Variants in REL observed in about 807,000 individuals in gnomAD.
REL encodes proto-oncogene c-Rel.
REL carries 15 observed loss-of-function variants against 45.9 expected under a neutral mutation model. The ratio of observed to expected loss-of-function variants is 0.33; its 90% CI spans 0.22 to 0.50. The LOEUF is 0.50. REL is among the 20% of genes least tolerant of loss of function. REL has a pLI of 0.98. For missense variants in REL, 601 were observed against 715.2 expected, an observed-to-expected ratio of 0.84 and a Z score of 1.82; for synonymous variants, 239 against 242.1, an observed-to-expected ratio of 0.99 and a Z score of 0.12.
Position 60,923,261 on chromosome 2 carries a change from T to TA in REL, c.*730dup, listed in dbSNP as rs2103992300. ...ATTTGTATGTATATCAAAATGTCTTTAAAATGTTAAGTTGGGCAGAAGGCA... is the reference window on the plus strand; with the variant it reads ...ATTTGTATGTATATCAAAATGTCTTTAAAAATGTTAAGTTGGGCAGAAGGCA... On this transcript the variant is annotated 3_prime_UTR_variant, in exon 10 of 10. Transcript: ENST00000394479. 4.6e-6 allele frequency: 1 copy of TA among 217,266 alleles called. No homozygotes were observed. The highest frequency in any genetic ancestry group is 6.7e-5 in the East Asian group (1 of 14,832). 13.5% of individuals were successfully genotyped at this position (217,266 alleles called of 1,614,324 possible). A position where few individuals can be genotyped will look rare whatever the true frequency, so the allele number is the denominator to read the frequency against.
intron 7 of REL, 62 bp from the exon 8 acceptor site, chr2:60,919,979 A>G: frequency 9.7e-7 from 1 of 1,028,828 alleles, no homozygotes; most frequent in Non-Finnish European, 1.5e-6. Context: ...ATATTTGTTT[A>G]TTAAAGGAGA....
At chr2:60,914,443 A>G (rs1673902963) in intron 4 of REL, among the ~76,000 whole-genome samples, 1 of 152,258 alleles carries the variant, frequency 6.6e-6, no homozygotes. Context: ...TCTTCCCTGT[A>G]GTAGAACTAT....
In REL at chr2:60,918,571, A is replaced by G. The variant is rs1674047586; in HGVS notation, c.818A>G (p.Glu273Gly). ...AGACCTTCTGACCAGGAAGTTAGTG[A>G]ATCTATGGATTTTAGATATCTGCCA... ...LRRPSDQEVS[E>G]SMDFRYLPDE... The change falls in exon 7 of 10, where the codon GAA becomes GGA. Residue 273 changes from glutamate to glycine, a missense_variant. Glu to Gly is a moderately conservative substitution (Grantham distance 98). This residue lies in a region of REL where 241 missense variants were observed against 347.0 expected (regional missense o/e 0.69). Coordinates refer to ENST00000394479, the MANE Select transcript of REL (RefSeq NM_001291746.2). 1 of 1,613,882 alleles carries G rather than the reference A, an allele frequency of 6.2e-7. No individual in the cohort carries two copies. Among genetic ancestry groups the G allele is most frequent in the South Asian group, 1.1e-5 (1 of 91,088 alleles).
At position 60,930,907 on chromosome 2, in the gene REL, T is replaced by G. The variant is rs1302520801; in HGVS notation, c.*8372T>G. On this transcript the variant is annotated 3_prime_UTR_variant, in exon 10 of 10. Transcript: ENST00000394479. ...TGTGTGAATAGTAATACACAGTAAT[T>G]AGTACAGCATGTTGCTTCTTCAACA... 1 of 152,380 alleles carries G rather than the reference T, an allele frequency of 6.6e-6. No individual in the cohort carries two copies. Among genetic ancestry groups the G allele is most frequent in the Non-Finnish European group, 1.5e-5 (1 of 68,042 alleles). The allele number at this position is 152,380 out of a possible 1,614,324, so 9.4% of individuals were successfully genotyped here. A position where few individuals can be genotyped will look rare whatever the true frequency, so the allele number is the denominator to read the frequency against.
At chr2:60,918,653 C>T (rs765603727) in intron 7 of REL, 47 bp downstream of exon 7, 67 of 1,218,370 alleles carry the variant, frequency 5.5e-5, no homozygotes, top group Non-Finnish European at 8.0e-5. Flanking sequence ...TGAAGTGGTC[C>T]TGCTAATAAC....
rs922998354 is a variant in REL, at chr2:60,881,833, G to A, written c.-8G>A. 56 of 1,520,342 alleles carry A rather than the reference G, an allele frequency of 3.7e-5. No homozygotes were observed. Among genetic ancestry groups the A allele is most frequent in the Non-Finnish European group, 4.3e-5 (49 of 1,135,152 alleles). 94.2% of individuals were successfully genotyped at this position (1,520,342 alleles called of 1,614,324 possible). Reference sequence around the variant, plus strand: ...AGCTGCCTGCGGGAAGGTGCGGGGAGCGGAGCCATGGCCTCCGGTGAGTGT... The same window carrying A: ...AGCTGCCTGCGGGAAGGTGCGGGGAACGGAGCCATGGCCTCCGGTGAGTGT... On this transcript the variant is annotated 5_prime_UTR_variant, in exon 1 of 10. Transcript: ENST00000394479.
intron 3 of REL, among the ~76,000 whole-genome samples, chr2:60,896,141 T>C (rs925948079): frequency 2.6e-5 from 4 of 152,056 alleles, no homozygotes; most frequent in Non-Finnish European, 4.4e-5. Flanking sequence ...TTAGCTGATA[T>C]TACAGGCATG....
intron 1 of REL, among the ~76,000 whole-genome samples, chr2:60,888,404 T>C (rs1161687518): frequency 6.6e-6 from 1 of 152,206 alleles, no homozygotes; most frequent in African/African-American, 2.4e-5. Context: ...ACATAAATTA[T>C]TTAAAATGTG....
intron 1 of REL, among the ~76,000 whole-genome samples, chr2:60,887,934 G>T (rs1457255492): frequency 4.4e-4 from 63 of 143,060 alleles, no homozygotes; most frequent in African/African-American, 1.5e-3. Flanking sequence ...TGTTTTGTTT[G>T]TTTTTTTTTT....
chr2:60,919,479 A>T (rs1034979832), intron 7 of REL, among the ~76,000 whole-genome samples: 20 of 151,906 alleles, frequency 1.3e-4, no homozygotes, highest in African/African-American at 4.6e-4. Flanking sequence ...AGGCTGGAGT[A>T]CAGTGGCGCA....
In REL at chr2:60,930,487, A is replaced by C. The variant is rs1674362502; in HGVS notation, c.*7952A>C. Reference sequence around the variant, plus strand: ...ATAAATGTATGGGTTGTCTGTATCTAGTTTTATGCCTTTTTTTTGCCTAAG... The same window carrying C: ...ATAAATGTATGGGTTGTCTGTATCTCGTTTTATGCCTTTTTTTTGCCTAAG... On this transcript the variant is annotated 3_prime_UTR_variant, in exon 10 of 10. Transcript: ENST00000394479. 1 of 152,314 alleles carries C rather than the reference A, an allele frequency of 6.6e-6. No individual in the cohort carries two copies. Among genetic ancestry groups the C allele is most frequent in the Non-Finnish European group, 1.5e-5 (1 of 68,020 alleles). 9.4% of individuals were successfully genotyped at this position (152,314 alleles called of 1,614,324 possible).
intron 4 of REL, among the ~76,000 whole-genome samples, chr2:60,911,788 C>T (rs576833647): frequency 3.4e-4 from 52 of 151,784 alleles, no homozygotes; most frequent in Non-Finnish European, 5.0e-4. Context: ...ATCACAAGGT[C>T]AAGAGGTTGA....
At position 60,893,085 on chromosome 2, in the gene REL, A is replaced by G. The variant is rs1019507511; in HGVS notation, c.153+1260A>G. Among the ~76,000 whole-genome samples the G allele has an allele frequency of 1.3e-4, 20 of 152,302 alleles. No individual in the cohort carries two copies. In the East Asian group the frequency reaches 2.3e-3, roughly 18 times the overall value. On this transcript the variant is annotated intron_variant, in intron 2 of 9. Coordinates refer to ENST00000394479, the MANE Select transcript of REL (RefSeq NM_001291746.2). ...CTAAATTTCTATTTTCTATTTGTAA[A>G]CTATTTTTCTTTGACTTTCAATGAA...
chr2:60,909,669 G>A (rs530069692), intron 4 of REL, among the ~76,000 whole-genome samples: 1 of 152,172 alleles, frequency 6.6e-6, no homozygotes, highest in East Asian at 1.9e-4. Flanking sequence ...TTGGGAGGCC[G>A]AGATGGGCGG....
chr2:60,885,962 G>T (rs1164937751), intron 1 of REL, among the ~76,000 whole-genome samples: 1 of 152,134 alleles, frequency 6.6e-6, no homozygotes, highest in South Asian at 2.1e-4. Context: ...TTTGAATAAG[G>T]TTCTTTTTTA....
intron 3 of REL, chr2:60,899,080 A>G (rs970758295): frequency 1.3e-5 from 2 of 152,250 alleles, no homozygotes; most frequent in Non-Finnish European, 2.9e-5. Flanking sequence ...GAAGAATTCT[A>G]TAAAATCTTT....
intron 9 of REL, among the ~76,000 whole-genome samples, chr2:60,921,486 G>A (rs1349612804): frequency 1.3e-5 from 2 of 152,052 alleles, no homozygotes; most frequent in African/African-American, 4.8e-5. Flanking sequence ...TCAGAAACTA[G>A]ATTTTCATAT....
At chr2:60,890,117 C>T (rs924942361) in intron 1 of REL, among the ~76,000 whole-genome samples, 1 of 152,204 alleles carries the variant, frequency 6.6e-6, no homozygotes, top group African/African-American at 2.4e-5. Flanking sequence ...CCTGTTGTTT[C>T]CTGACTTTTT....
At chr2:60,895,947 G>A (rs1165650734) in intron 3 of REL, among the ~76,000 whole-genome samples, 1 of 151,902 alleles carries the variant, frequency 6.6e-6, no homozygotes, top group East Asian at 1.9e-4. Flanking sequence ...TTGCCAATAT[G>A]TCTATTGGTA....
Sources: gnomAD v4.1 joint callset for allele counts (sites outside exome capture counted in the v4.1 genomes callset) on GRCh38, gnomAD v4.1.1 for gene constraint, gnomAD v4.1.1 regional missense constraint, MANE v1.5 for transcripts, NCBI Gene and HGNC (gene_info 2026-07-23, HGNC 2026-07-21) for gene names.